CNBD1: variants seen among roughly 807,000 people sequenced by gnomAD.
CNBD1 encodes the protein cyclic nucleotide-binding domain-containing protein 1.
In CNBD1, 71 loss-of-function variants were observed where a neutral mutation model predicts 54.4. The ratio of observed to expected loss-of-function variants is 1.30; its 90% CI spans 1.08 to 1.59. The LOEUF (loss-of-function observed/expected upper bound fraction) is 1.59, where lower values mean the gene tolerates loss of function less well. Ranked by LOEUF, CNBD1 falls within the 40% of genes most tolerant of loss-of-function variation. The probability of loss-of-function intolerance (pLI) is 0.00; values close to 1 mark genes in which losing one functional copy is unlikely to be tolerated. For missense variants in CNBD1, 659 were observed against 518.0 expected (o/e 1.27, Z -2.64); for synonymous variants, 182 against 170.7 (o/e 1.07, Z -0.51).
chr8:87,421,967 C>G (rs1308586198), intron 2 of CNBD1, among the ~76,000 whole-genome samples: 2 of 149,904 alleles, frequency 1.3e-5, no homozygotes, highest in Non-Finnish European at 2.9e-5. Context: ...GATCGCCATT[C>G]TAACTGGTAT....
At chr8:86,942,188 AAAG>A in intron 4 of CNBD1, among the ~76,000 whole-genome samples, 1 of 152,340 alleles carries the variant, frequency 6.6e-6, no homozygotes, top group South Asian at 2.1e-4. Context: ...ATAGTAAGTA[AAAG>A]ATCAATGTAT....
At chr8:87,343,949 T>C (rs11994411) in intron 8 of CNBD1, among the ~76,000 whole-genome samples, 40,834 of 151,932 alleles carry the variant, frequency 0.27, 6,426 homozygotes, top group Middle Eastern at 0.41. Flanking sequence ...ATACATATTA[T>C]AAATTACTTC....
intron 3 of CNBD1, among the ~76,000 whole-genome samples, chr8:86,923,417 C>T (rs1712504647): frequency 6.6e-6 from 1 of 152,110 alleles, no homozygotes; most frequent in Non-Finnish European, 1.5e-5. Context: ...AGCCTTTGAT[C>T]CTTGCTACTT....
At chr8:87,277,566 A>G (rs146378667) in intron 6 of CNBD1, among the ~76,000 whole-genome samples, 4 of 151,862 alleles carry the variant, frequency 2.6e-5, no homozygotes, top group African/African-American at 4.8e-5. Flanking sequence ...CGCCAGTCTC[A>G]TGTATTTTAT....
chr8:86,968,985 T>A (rs996408155), intron 4 of CNBD1, among the ~76,000 whole-genome samples: 2 of 152,170 alleles, frequency 1.3e-5, no homozygotes, highest in Non-Finnish European at 2.9e-5. Flanking sequence ...GGAATTTTCT[T>A]GTGGGCAAAT....
chr8:86,923,046 C>T (rs1444179159), intron 3 of CNBD1, among the ~76,000 whole-genome samples: 1 of 152,134 alleles, frequency 6.6e-6, no homozygotes, highest in Non-Finnish European at 1.5e-5. Flanking sequence ...AGAGTGAGTT[C>T]TCCAGGTCCT....
rs541312061 is a variant in CNBD1, at chr8:87,309,526, C to G, written c.1042+22855C>G. 1.2e-3 allele frequency among the ~76,000 whole-genome samples: 178 copies of G among 152,038 alleles called. 1 individual carries two copies. Among genetic ancestry groups the G allele is most frequent in the Middle Eastern group, 6.8e-3 (2 of 294 alleles). On this transcript the variant is annotated intron_variant, in intron 8 of 10. Coordinates refer to ENST00000518476, the MANE Select transcript of CNBD1 (RefSeq NM_173538.3). ...TCATATGATTTCGGGAAATATAATT[C>G]CCTGTGGGAATTTTCTAGAATTCCT...
intron 6 of CNBD1, among the ~76,000 whole-genome samples, chr8:87,239,109 C>G (rs1192537493): frequency 1.3e-5 from 2 of 152,048 alleles, no homozygotes; most frequent in Non-Finnish European, 2.9e-5. Flanking sequence ...GGCAGTTAAG[C>G]TCTAAATCCA....
At chr8:86,921,675 G>A (rs1264511490) in intron 3 of CNBD1, among the ~76,000 whole-genome samples, 1 of 152,106 alleles carries the variant, frequency 6.6e-6, no homozygotes, top group East Asian at 1.9e-4. Context: ...ACTACCACAA[G>A]AACAGTATGG....
chr8:86,960,554 G>A (rs891054690), intron 4 of CNBD1, among the ~76,000 whole-genome samples: 8 of 152,154 alleles, frequency 5.3e-5, no homozygotes, highest in South Asian at 2.1e-4. Context: ...TCCACCTCTC[G>A]GGGCAGTGCA....
At chr8:87,294,312 T>A (rs576469621) in intron 8 of CNBD1, among the ~76,000 whole-genome samples, 2 of 152,280 alleles carry the variant, frequency 1.3e-5, no homozygotes, top group South Asian at 4.1e-4. Flanking sequence ...ATGCTGACAG[T>A]CTATACATGT....
rs531691019 is a variant in CNBD1 at position 86,948,672 on chromosome 8, A to T, written c.431+8918A>T. ...ATTCTGGTTATTAATCCCTTGTCAG[A>T]GGGGTAGTTTGCAAATATTTTCCCC... On this transcript the variant is annotated intron_variant, in intron 4 of 10. Transcript: ENST00000518476. 7.2e-5 allele frequency among the ~76,000 whole-genome samples: 11 copies of T among 152,240 alleles called. No individual in the cohort carries two copies. In the South Asian group the frequency reaches 2.3e-3, roughly 32 times the overall value.
At chr8:87,408,491 TATTTA>T (rs1358644860) in intron 2 of CNBD1, among the ~76,000 whole-genome samples, 1 of 152,112 alleles carries the variant, frequency 6.6e-6, no homozygotes, top group Non-Finnish European at 1.5e-5. Flanking sequence ...CTTGATATTC[TATTTA>T]ATTGAGTCAT....
chr8:87,351,563 C>G lies in CNBD1; in HGVS notation c.1043-122C>G, dbSNP rs901411358. 3.3e-6 allele frequency: 3 copies of G among 904,996 alleles called. No homozygotes were observed. The African/African-American group carries it at 5.3e-5, about 16-fold the overall frequency. The allele number at this position is 904,996 out of a possible 1,614,324, so 56.1% of individuals were successfully genotyped here. On this transcript the variant is annotated intron_variant, in intron 8 of 10. Transcript: ENST00000518476. ...TTAAGTACTGTCTATAAACTGGAATCTATTAAGAAACTTACTATTAATAGT... is the reference window on the plus strand; with the variant it reads ...TTAAGTACTGTCTATAAACTGGAATGTATTAAGAAACTTACTATTAATAGT...
chr8:87,046,935 C>A (rs1230688970), intron 4 of CNBD1, among the ~76,000 whole-genome samples: 1 of 152,066 alleles, frequency 6.6e-6, no homozygotes, highest in Admixed American at 6.5e-5. Context: ...TTGGAAAGGA[C>A]CGTGTGTTAT....
intron 4 of CNBD1, among the ~76,000 whole-genome samples, chr8:86,957,295 T>G (rs1425539027): frequency 2.6e-5 from 4 of 152,192 alleles, no homozygotes; most frequent in Non-Finnish European, 2.9e-5. Flanking sequence ...TTATGTTTTT[T>G]TTGTTGTGTC....
In CNBD1 at chr8:87,208,629, T is replaced by C. The variant is rs142154865; in HGVS notation, c.577+2491T>C. On this transcript the variant is annotated intron_variant, in intron 5 of 10. Coordinates refer to ENST00000518476, the MANE Select transcript of CNBD1 (RefSeq NM_173538.3). ...CTAAAAGAATTGCCAGTTTAGTTAC[T>C]AACCTGTAACAATATCCCAGATCAA... Among the ~76,000 whole-genome samples the C allele has an allele frequency of 5.3e-4, 81 of 152,202 alleles. 1 individual carries two copies. The East Asian group carries it at 0.016, about 29-fold the overall frequency.
At chr8:87,299,246 T>C (rs757003603) in intron 8 of CNBD1, among the ~76,000 whole-genome samples, 6 of 152,278 alleles carry the variant, frequency 3.9e-5, no homozygotes, top group Admixed American at 6.5e-5. Flanking sequence ...AGTCTCAGGA[T>C]TATCCTTCCT....
At chr8:86,930,890 G>A (rs1475632323) in intron 3 of CNBD1, among the ~76,000 whole-genome samples, 3 of 152,172 alleles carry the variant, frequency 2.0e-5, no homozygotes, top group Non-Finnish European at 4.4e-5. Flanking sequence ...AGGAAAAGCG[G>A]TGGGGTCTTT....
Sources: gnomAD v4.1 joint callset for allele counts (sites outside exome capture counted in the v4.1 genomes callset) on GRCh38, gnomAD v4.1.1 for gene constraint, MANE v1.5 for transcripts, NCBI Gene and HGNC (gene_info 2026-07-23, HGNC 2026-07-21) for gene names.